LUZP2: variants seen among roughly 807,000 people sequenced by gnomAD.
LUZP2 encodes leucine zipper protein 2.
LUZP2 carries 52 observed loss-of-function variants against 51.6 expected under a neutral mutation model. The observed-to-expected ratio is 1.01, with a 90% CI of 0.81 to 1.27. The LOEUF is 1.27. Ranked by LOEUF, LUZP2 falls within the 50% of genes most tolerant of loss-of-function variation. The probability of loss-of-function intolerance (pLI) is 0.00; values close to 1 mark genes in which losing one functional copy is unlikely to be tolerated. For synonymous variants in LUZP2, 154 were observed against 137.3 expected, an observed-to-expected ratio of 1.12 and a Z score of -0.85; for missense variants, 436 against 395.4, an observed-to-expected ratio of 1.10 and a Z score of -0.87.
chr11:24,724,069 A>T (rs1431474297), intron 1 of LUZP2, among the ~76,000 whole-genome samples: 1 of 152,132 alleles, frequency 6.6e-6, no homozygotes, highest in African/African-American at 2.4e-5. Context: ...CCGTCAAAGA[A>T]AAGCTTCTAA....
rs554505645 is a variant in LUZP2, at chr11:24,906,655, A to C, written c.459+602A>C. On this transcript the variant is annotated intron_variant, in intron 6 of 11. Coordinates refer to ENST00000336930, the MANE Select transcript of LUZP2 (RefSeq NM_001009909.4). ...AAATGTAGCTCATAGAAGCCTTAGT[A>C]ATATCAATGAAATAGGAATGATACT... Among the ~76,000 whole-genome samples, 23 of 152,298 alleles carry C rather than the reference A, an allele frequency of 1.5e-4. No homozygotes were observed. The South Asian group carries it at 4.6e-3, about 30-fold the overall frequency.
At chr11:24,630,937 A>G (rs1221168718) in intron 1 of LUZP2, among the ~76,000 whole-genome samples, 3 of 151,888 alleles carry the variant, frequency 2.0e-5, no homozygotes, top group African/African-American at 7.2e-5. Context: ...ATATATGTCT[A>G]GGTATCTTTT....
intron 1 of LUZP2, among the ~76,000 whole-genome samples, chr11:24,589,873 T>C (rs1853199022): frequency 6.6e-6 from 1 of 152,184 alleles, no homozygotes. Context: ...TTTTCAGTTC[T>C]AACACTGAAT....
chr11:24,944,021 T>C (rs1854834367), intron 7 of LUZP2, among the ~76,000 whole-genome samples: 1 of 152,220 alleles, frequency 6.6e-6, no homozygotes, highest in East Asian at 1.9e-4. Flanking sequence ...TTATTTTAAA[T>C]GTACATAGCC....
intron 5 of LUZP2, among the ~76,000 whole-genome samples, chr11:24,873,001 G>A (rs1294266114): frequency 6.6e-6 from 1 of 152,104 alleles, no homozygotes; most frequent in African/African-American, 2.4e-5. Context: ...TGACTGTAAG[G>A]AGAAACACTA....
At chr11:24,596,815 A>G (rs1383699749) in intron 1 of LUZP2, among the ~76,000 whole-genome samples, 1 of 152,212 alleles carries the variant, frequency 6.6e-6, no homozygotes, top group African/African-American at 2.4e-5. Flanking sequence ...AAAACTATGT[A>G]CAGTCACAGG....
chr11:24,657,522 C>G (rs1855848968), intron 1 of LUZP2, among the ~76,000 whole-genome samples: 1 of 152,112 alleles, frequency 6.6e-6, no homozygotes, highest in African/African-American at 2.4e-5. Context: ...TGGCACAAGA[C>G]AGGGATGCCC....
chr11:24,745,838 C>T (rs2631419), intron 4 of LUZP2, among the ~76,000 whole-genome samples: 49,357 of 151,838 alleles, frequency 0.33, 8,587 homozygotes, highest in East Asian at 0.57. Context: ...TCACCACACC[C>T]GGCTAATTTT....
chr11:24,609,081 G>A (rs972939699), intron 1 of LUZP2, among the ~76,000 whole-genome samples: 3 of 151,994 alleles, frequency 2.0e-5, no homozygotes, highest in Non-Finnish European at 4.4e-5. Context: ...TACCCAGCCT[G>A]GACTTGTAGG....
intron 1 of LUZP2, among the ~76,000 whole-genome samples, chr11:24,596,929 A>C (rs79430665): frequency 0.038 from 5,773 of 152,246 alleles, 382 homozygotes; most frequent in African/African-American, 0.13. Context: ...TTTTCAGCTG[A>C]AGTGTCAAAA....
At chr11:24,999,137 T>C (rs1024321034) in intron 9 of LUZP2, among the ~76,000 whole-genome samples, 1 of 152,158 alleles carries the variant, frequency 6.6e-6, no homozygotes, top group African/African-American at 2.4e-5. Flanking sequence ...TTTAATGATG[T>C]TCAAAATTTG....
intron 5 of LUZP2, among the ~76,000 whole-genome samples, chr11:24,847,201 T>G (rs1851228532): frequency 6.6e-6 from 1 of 152,040 alleles, no homozygotes; most frequent in South Asian, 2.1e-4. Context: ...CAGCATTGTA[T>G]ATATTCATTT....
intron 5 of LUZP2, among the ~76,000 whole-genome samples, chr11:24,894,712 C>T (rs974673558): frequency 6.6e-6 from 1 of 151,770 alleles, no homozygotes; most frequent in Non-Finnish European, 1.5e-5. Context: ...ATTTGGTTTC[C>T]TGTTCCATTT....
intron 5 of LUZP2, among the ~76,000 whole-genome samples, chr11:24,870,796 T>G (rs1002469305): frequency 6.6e-6 from 1 of 152,140 alleles, no homozygotes; most frequent in Non-Finnish European, 1.5e-5. Context: ...TTCATTCTAT[T>G]ATAATCTTCA....
chr11:24,802,050 A>C (rs373108143), intron 5 of LUZP2, among the ~76,000 whole-genome samples: 42 of 152,162 alleles, frequency 2.8e-4, no homozygotes, highest in African/African-American at 1.0e-3. Context: ...CATTACCAAA[A>C]TCAGAAGTCT....
intron 1 of LUZP2, among the ~76,000 whole-genome samples, chr11:24,632,218 T>C (rs10767225): frequency 0.98 from 149,769 of 152,094 alleles, 73,779 homozygotes; most frequent in East Asian, 1. Context: ...GGTATCAGGA[T>C]GCCATTGTAT....
At chr11:24,826,145 C>T (rs375863273) in intron 5 of LUZP2, among the ~76,000 whole-genome samples, 18 of 133,014 alleles carry the variant, frequency 1.4e-4, no homozygotes, top group African/African-American at 3.1e-4. Context: ...CACTGCACTC[C>T]AGCCTAGGCG....
chr11:24,645,018 T>A (rs1855421733), intron 1 of LUZP2, among the ~76,000 whole-genome samples: 1 of 151,996 alleles, frequency 6.6e-6, no homozygotes, highest in African/African-American at 2.4e-5. Context: ...CCTTTTTGTA[T>A]TTTTGTGTCT....
At chr11:25,056,391 T>C (rs1194446011) in intron 10 of LUZP2, among the ~76,000 whole-genome samples, 5 of 152,146 alleles carry the variant, frequency 3.3e-5, no homozygotes, top group Non-Finnish European at 7.3e-5. Flanking sequence ...TTCAGGATTC[T>C]ATAATTATCA....
Sources: gnomAD v4.1 joint callset for allele counts (sites outside exome capture counted in the v4.1 genomes callset) on GRCh38, gnomAD v4.1.1 for gene constraint, MANE v1.5 for transcripts, NCBI Gene and HGNC (gene_info 2026-07-23, HGNC 2026-07-21) for gene names.